LRMDA: variants seen among roughly 807,000 people sequenced by gnomAD.
LRMDA encodes leucine rich melanocyte differentiation associated.
In LRMDA, 18 loss-of-function variants were observed where a neutral mutation model predicts 29.8. The ratio of observed to expected loss-of-function variants is 0.60; its 90% CI spans 0.42 to 0.90. The LOEUF (loss-of-function observed/expected upper bound fraction) is 0.90, where lower values mean the gene tolerates loss of function less well. Ranked by LOEUF, LRMDA falls within the 40% of genes least tolerant of loss-of-function variation. The pLI is 0.00. For synonymous variants in LRMDA, 125 were observed against 109.4 expected (o/e 1.14, Z -0.89); for missense variants, 273 against 273.9 (o/e 1.00, Z 0.02).
intron 6 of LRMDA, among the ~76,000 whole-genome samples, chr10:76,503,036 A>G (rs532700782): frequency 9.2e-5 from 14 of 152,140 alleles, no homozygotes; most frequent in African/African-American, 3.4e-4. Flanking sequence ...TGGGTTTGTC[A>G]TAGATGGCTC....
Position 76,425,369 on chromosome 10 carries a change from T to A in LRMDA, c.601+100884T>A, listed in dbSNP as rs1464936364. Reference sequence around the variant, plus strand: ...ATTTTTTTTCTTTTTTTTTCTTTTTTAACCATTGTCATGAGACAGACTCAA... The same window carrying A: ...ATTTTTTTTCTTTTTTTTTCTTTTTAAACCATTGTCATGAGACAGACTCAA... On this transcript the variant is annotated intron_variant, in intron 6 of 6. Coordinates refer to ENST00000611255, the MANE Select transcript of LRMDA (RefSeq NM_001305581.2). Among the ~76,000 whole-genome samples the A allele has an allele frequency of 2.6e-5, 4 of 152,094 alleles. No individual in the cohort carries two copies. The East Asian group carries it at 7.7e-4, about 29-fold the overall frequency.
chr10:75,488,966 G>A lies in LRMDA; in HGVS notation c.131+50472G>A, dbSNP rs144832259. Among the ~76,000 whole-genome samples the A allele has an allele frequency of 2.5e-3, 381 of 152,280 alleles. 2 individuals carry two copies. Among genetic ancestry groups the A allele is most frequent in the African/African-American group, 8.4e-3 (351 of 41,544 alleles). ...AAATTGGCAAACTGTGACCGTTTGT[G>A]ACGAGTTATCTCAGTCCTCACATGA... is the stretch of plus-strand genomic sequence containing the variant. On this transcript the variant is annotated intron_variant, in intron 2 of 6. Transcript: ENST00000611255.
intron 2 of LRMDA, among the ~76,000 whole-genome samples, chr10:75,784,647 G>A (rs989782481): frequency 4.0e-5 from 6 of 151,040 alleles, no homozygotes; most frequent in African/African-American, 1.5e-4. Context: ...TGCAGTGAGT[G>A]AGCAGAGATT....
intron 6 of LRMDA, among the ~76,000 whole-genome samples, chr10:76,359,463 G>C (rs76169561): frequency 1.3e-5 from 2 of 152,286 alleles, no homozygotes; most frequent in East Asian, 3.9e-4. Context: ...AGTTGGTAGA[G>C]TGGATAGATA....
At chr10:75,487,021 C>G (rs758017411) in intron 2 of LRMDA, among the ~76,000 whole-genome samples, 6 of 152,154 alleles carry the variant, frequency 3.9e-5, no homozygotes, top group Non-Finnish European at 8.8e-5. Flanking sequence ...AGAAGAATTA[C>G]AGTGTCTGAT....
intron 5 of LRMDA, among the ~76,000 whole-genome samples, chr10:76,294,519 C>G (rs988570462): frequency 6.6e-6 from 1 of 152,142 alleles, no homozygotes; most frequent in Non-Finnish European, 1.5e-5. Flanking sequence ...GTCCTTGTCC[C>G]TGACCTAGTA....
At chr10:76,308,644 C>T (rs796833249) in intron 5 of LRMDA, among the ~76,000 whole-genome samples, 86 of 152,306 alleles carry the variant, frequency 5.6e-4, no homozygotes, top group African/African-American at 2.0e-3. Context: ...CTCTCCTGCT[C>T]TCACCTCTCT....
chr10:75,744,020 T>A (rs1214745854), intron 2 of LRMDA, among the ~76,000 whole-genome samples: 1 of 152,214 alleles, frequency 6.6e-6, no homozygotes, highest in Non-Finnish European at 1.5e-5. Context: ...CACTAGGGTG[T>A]TGAAACAGTT....
chr10:75,481,291 G>A (rs1434341719), intron 2 of LRMDA, among the ~76,000 whole-genome samples: 1 of 152,130 alleles, frequency 6.6e-6, no homozygotes, highest in Non-Finnish European at 1.5e-5. Flanking sequence ...ATGAGCAACT[G>A]GAGAGTAGAG....
At chr10:75,991,209 T>A (rs16932770) in intron 2 of LRMDA, among the ~76,000 whole-genome samples, 4,588 of 152,214 alleles carry the variant, frequency 0.03, 75 homozygotes, top group Middle Eastern at 0.048. Context: ...GTATTTTTGG[T>A]GTGTGTGCAT....
intron 2 of LRMDA, among the ~76,000 whole-genome samples, chr10:75,686,300 T>G (rs1255393836): frequency 6.6e-6 from 1 of 152,192 alleles, no homozygotes; most frequent in East Asian, 1.9e-4. Context: ...ACCCAGAGTC[T>G]TCTTCCTGCA....
At chr10:75,624,606 G>A (rs970167542) in intron 2 of LRMDA, among the ~76,000 whole-genome samples, 6 of 152,074 alleles carry the variant, frequency 3.9e-5, no homozygotes, top group African/African-American at 1.4e-4. Context: ...GGAGATCTAG[G>A]ATGATAGAAT....
intron 2 of LRMDA, among the ~76,000 whole-genome samples, chr10:75,735,075 A>G (rs1164183624): frequency 6.6e-6 from 1 of 152,224 alleles, no homozygotes; most frequent in Admixed American, 6.5e-5. Flanking sequence ...CAAGAGCAGT[A>G]ATCTTTGTCC....
Position 76,525,570 on chromosome 10 carries a change from C to A in LRMDA, c.602-31639C>A, listed in dbSNP as rs193134773. On this transcript the variant is annotated intron_variant, in intron 6 of 6. Coordinates refer to ENST00000611255, the MANE Select transcript of LRMDA (RefSeq NM_001305581.2). ...TTGCTTCTAGTGTCCTGGGGCCTGG[C>A]CTATAATAGGTTCTTGTAAATGGCA... is the stretch of plus-strand genomic sequence containing the variant. 1.4e-3 allele frequency among the ~76,000 whole-genome samples: 217 copies of A among 152,014 alleles called. 2 individuals carry two copies. The highest frequency in any genetic ancestry group is 4.9e-3 in the African/African-American group (204 of 41,440).
chr10:76,324,363 T>A, intron 5 of LRMDA, 38 bp from the exon 6 acceptor site: 1 of 1,567,960 alleles, frequency 6.4e-7, no homozygotes, highest in Non-Finnish European at 8.8e-7. Flanking sequence ...ATTTGGTGTT[T>A]GGTGTTGCTT....
chr10:76,484,300 A>C (rs1005017320), intron 6 of LRMDA, among the ~76,000 whole-genome samples: 1 of 151,676 alleles, frequency 6.6e-6, no homozygotes, highest in African/African-American at 2.4e-5. Flanking sequence ...GAAATTATTT[A>C]GAAGTTCTTT....
intron 6 of LRMDA, among the ~76,000 whole-genome samples, chr10:76,346,085 A>G (rs981692520): frequency 1.3e-5 from 2 of 152,238 alleles, no homozygotes; most frequent in Non-Finnish European, 2.9e-5. Context: ...TGTGTTTAAA[A>G]GCACAAAAGT....
chr10:75,869,058 GAGA>G (rs952282271), intron 2 of LRMDA, among the ~76,000 whole-genome samples: 6 of 152,214 alleles, frequency 3.9e-5, no homozygotes, highest in African/African-American at 1.4e-4. Context: ...TGCCCAATGG[GAGA>G]AGGATTCAGA....
intron 2 of LRMDA, among the ~76,000 whole-genome samples, chr10:75,680,666 G>A (rs778652637): frequency 6.6e-6 from 1 of 152,014 alleles, no homozygotes; most frequent in Non-Finnish European, 1.5e-5. Flanking sequence ...ATACCTCCAC[G>A]AGGAAGGGGA....
Sources: allele counts gnomAD v4.1 joint callset (sites outside exome capture counted in the v4.1 genomes callset), GRCh38; gene constraint gnomAD v4.1.1; transcripts MANE v1.5; gene names NCBI Gene and HGNC (gene_info 2026-07-23, HGNC 2026-07-21).